The following MACROD1 variants were observed in gnomAD, a reference collection of about 807,000 sequenced individuals.
MACROD1 encodes ADP-ribose glycohydrolase MACROD1.
In MACROD1, 31 loss-of-function variants were observed where a neutral mutation model predicts 41.4. The ratio of observed to expected loss-of-function variants is 0.75; its 90% CI spans 0.56 to 1.01. The LOEUF (loss-of-function observed/expected upper bound fraction) is 1.01, where lower values mean the gene tolerates loss of function less well. Among genes scored for constraint, MACROD1 ranks in the 50% least tolerant of loss-of-function variants. MACROD1 has a pLI of 0.00. For synonymous variants in MACROD1, 252 were observed against 203.4 expected (o/e 1.24, Z -2.03); for missense variants, 473 against 460.0 (o/e 1.03, Z -0.26).
At chr11:64,003,310 T>C (rs539498190) in intron 4 of MACROD1, among the ~76,000 whole-genome samples, 62 of 152,294 alleles carry the variant, frequency 4.1e-4, no homozygotes, top group Admixed American at 1.9e-3. Context: ...CTCTGCCTCC[T>C]GGGTTCAAGT....
rs1028775398 is a variant in MACROD1 at position 64,105,980 on chromosome 11, C to T, written c.517+45259G>A. On this transcript the variant is annotated intron_variant, in intron 3 of 10. Transcript: ENST00000255681. ...TCCGTGAGTGTATCTGTGGGGTGGG[C>T]GGGAGGGGAAAAGGCCCTCTGTAGG... Among the ~76,000 whole-genome samples the T allele has an allele frequency of 9.7e-4, 4 of 4,106 alleles. 1 individual carries two copies. In the Admixed American group the frequency reaches 0.014, roughly 14 times the overall value. The allele number at this position is 4,106 out of a possible 152,430, so 2.7% of individuals were successfully genotyped here. A position where few individuals can be genotyped will look rare whatever the true frequency, so the allele number is the denominator to read the frequency against.
intron 1 of MACROD1, 69 bp downstream of exon 1, chr11:64,165,628 G>C: frequency 1.5e-6 from 2 of 1,300,280 alleles, no homozygotes; most frequent in Non-Finnish European, 2.0e-6. Context: ...CGCTCGTTGG[G>C]GGCCGCCCAG....
intron 3 of MACROD1, among the ~76,000 whole-genome samples, chr11:64,095,971 TC>T (rs1944569029): frequency 2.3e-5 from 1 of 44,040 alleles, no homozygotes; most frequent in Non-Finnish European, 7.1e-5. Context: ...CCAGCAGTGG[TC>T]CCCCCACCCC....
chr11:64,004,649 G>T (rs558061574), intron 4 of MACROD1, among the ~76,000 whole-genome samples: 2 of 152,076 alleles, frequency 1.3e-5, no homozygotes, highest in Non-Finnish European at 2.9e-5. Flanking sequence ...GCTGGCCCAC[G>T]CTGTGCCCTC....
chr11:64,042,539 T>G (rs1943507652), intron 3 of MACROD1, among the ~76,000 whole-genome samples: 1 of 152,108 alleles, frequency 6.6e-6, no homozygotes, highest in Non-Finnish European at 1.5e-5. Flanking sequence ...AGCAGTCAGG[T>G]AGGCTCTGGG....
chr11:64,094,943 C>G (rs1251351223), intron 3 of MACROD1, among the ~76,000 whole-genome samples: 1 of 152,182 alleles, frequency 6.6e-6, no homozygotes, highest in African/African-American at 2.4e-5. Context: ...TTTCCCAGCC[C>G]CGTGTGCTCC....
At chr11:64,159,185 G>A (rs1156276595) in intron 1 of MACROD1, among the ~76,000 whole-genome samples, 3 of 152,046 alleles carry the variant, frequency 2.0e-5, no homozygotes, top group Admixed American at 6.6e-5. Context: ...CCGGTGTGGT[G>A]GCACAGGCCT....
Position 64,008,425 on chromosome 11 carries a change from G to C in MACROD1, c.547+6827C>G, listed in dbSNP as rs1434428601. On this transcript the variant is annotated intron_variant, in intron 4 of 10. Transcript: ENST00000255681. ...AGAGGCGCCCAGGGTTAGGGTGCGG[G>C]CGCGGGACAGGGAGTGTTGTCCACC... Among the ~76,000 whole-genome samples, 3 of 5,340 alleles carry C rather than the reference G, an allele frequency of 5.6e-4. No homozygotes were observed. The East Asian group carries it at 0.022, about 39-fold the overall frequency. The allele number at this position is 5,340 out of a possible 152,430, so 3.5% of individuals were successfully genotyped here.
At chr11:64,116,132 C>A in intron 3 of MACROD1, 2 of 1,360,636 alleles carry the variant, frequency 1.5e-6, no homozygotes, top group Non-Finnish European at 2.0e-6. Context: ...TTGGTACAGG[C>A]TGGCAGGTGG....
chr11:64,066,648 A>G (rs538735990), intron 3 of MACROD1, among the ~76,000 whole-genome samples: 11 of 152,190 alleles, frequency 7.2e-5, no homozygotes, highest in African/African-American at 2.4e-4. Flanking sequence ...AAAAAGAAAA[A>G]AAAAAAAAAA....
rs559515862 is a variant in MACROD1, at chr11:64,156,365, G to T, written c.299-3972C>A. Among the ~76,000 whole-genome samples, 25 of 152,310 alleles carry T rather than the reference G, an allele frequency of 1.6e-4. No homozygotes were observed. In the East Asian group the frequency reaches 4.8e-3, roughly 29 times the overall value. ...CGAGGCCTTGGCATGCCACTGTGTG[G>T]GCACTCCCAGACGGCTGGACCTGTG... is the stretch of plus-strand genomic sequence containing the variant. On this transcript the variant is annotated intron_variant, in intron 1 of 10. Transcript: ENST00000255681.
chr11:64,041,624 T>G (rs1037347959), intron 3 of MACROD1, among the ~76,000 whole-genome samples: 1 of 151,994 alleles, frequency 6.6e-6, no homozygotes, highest in Non-Finnish European at 1.5e-5. Flanking sequence ...CAGGACCGAA[T>G]GACCGCCTCG....
chr11:64,058,597 G>T (rs558136430), intron 3 of MACROD1, among the ~76,000 whole-genome samples: 6 of 152,356 alleles, frequency 3.9e-5, no homozygotes, highest in African/African-American at 1.4e-4. Context: ...GGCAGCTGCC[G>T]GGTGCAGCGG....
At chr11:64,075,835 G>A (rs1467150340) in intron 3 of MACROD1, among the ~76,000 whole-genome samples, 1 of 152,212 alleles carries the variant, frequency 6.6e-6, no homozygotes, top group African/African-American at 2.4e-5. Flanking sequence ...ACCATGCCCA[G>A]CTAATTTTGT....
chr11:64,088,634 C>T (rs1162027447), intron 3 of MACROD1, among the ~76,000 whole-genome samples: 3 of 152,194 alleles, frequency 2.0e-5, no homozygotes, highest in Non-Finnish European at 4.4e-5. Context: ...GCACACACCA[C>T]CAGGCCACCC....
chr11:64,065,913 C>T (rs1234236323), intron 3 of MACROD1, among the ~76,000 whole-genome samples: 3 of 151,926 alleles, frequency 2.0e-5, no homozygotes, highest in Non-Finnish European at 2.9e-5. Context: ...GAGAAGAGCA[C>T]AACTAATCCT....
intron 3 of MACROD1, among the ~76,000 whole-genome samples, chr11:64,144,345 G>A (rs1312233448): frequency 5.3e-5 from 8 of 152,122 alleles, no homozygotes; most frequent in Non-Finnish European, 8.8e-5. Flanking sequence ...CCCCTTATCC[G>A]GAATTAGAGA....
At chr11:64,100,283 C>T (rs916596297) in intron 3 of MACROD1, among the ~76,000 whole-genome samples, 1 of 152,192 alleles carries the variant, frequency 6.6e-6, no homozygotes, top group South Asian at 2.1e-4. Context: ...AGATTGGGCA[C>T]TTGGCTTTCT....
chr11:64,143,603 C>G (rs1478995220), intron 3 of MACROD1, among the ~76,000 whole-genome samples: 1 of 152,038 alleles, frequency 6.6e-6, no homozygotes, highest in Non-Finnish European at 1.5e-5. Flanking sequence ...TACAACGACC[C>G]CTCCCCGCTG....
Sources: gnomAD v4.1 joint callset for allele counts (sites outside exome capture counted in the v4.1 genomes callset) on GRCh38, gnomAD v4.1.1 for gene constraint, MANE v1.5 for transcripts, NCBI Gene and HGNC (gene_info 2026-07-23, HGNC 2026-07-21) for gene names.